The following MATN2 variants were observed in gnomAD, a reference collection of about 807,000 sequenced individuals.
MATN2 encodes the protein matrilin 2.
In MATN2, 69 loss-of-function variants were observed where a neutral mutation model predicts 103.2. The ratio of observed to expected loss-of-function variants is 0.67; its 90% CI spans 0.55 to 0.82. MATN2 has a LOEUF of 0.82. Among genes scored for constraint, MATN2 ranks in the 40% least tolerant of loss-of-function variants. The pLI is 0.00. For synonymous variants in MATN2, 429 were observed against 450.2 expected, an observed-to-expected ratio of 0.95 and a Z score of 0.60; for missense variants, 1,023 against 1,211.5, an observed-to-expected ratio of 0.84 and a Z score of 2.31.
intron 8 of MATN2, among the ~76,000 whole-genome samples, chr8:98,006,216 T>G (rs950704961): frequency 2.6e-5 from 4 of 152,236 alleles, no homozygotes; most frequent in Non-Finnish European, 5.9e-5. Flanking sequence ...GGTTTGTTTT[T>G]TAATCTGGAT....
At chr8:98,004,129 A>C (rs1479882311) in intron 8 of MATN2, 1 of 240,324 alleles carries the variant, frequency 4.2e-6, no homozygotes, top group Non-Finnish European at 8.6e-6. Flanking sequence ...TCTACTAAAA[A>C]TACAAAAAAT....
chr8:97,945,717 A>AAAAAAATATAT (rs59472539), intron 4 of MATN2, among the ~76,000 whole-genome samples: 236 of 121,790 alleles, frequency 1.9e-3, no homozygotes, highest in East Asian at 7.0e-3. Flanking sequence ...AAAAAAAAAA[A>AAAAAAATATAT]ATATATATAT....
At chr8:97,999,657 A>G (rs1259459228) in intron 7 of MATN2, among the ~76,000 whole-genome samples, 1 of 152,196 alleles carries the variant, frequency 6.6e-6, no homozygotes, top group African/African-American at 2.4e-5. Flanking sequence ...ACAGCTAACA[A>G]TATCCTGCCT....
Position 97,894,906 on chromosome 8 carries a change from T to C in MATN2, c.142+6664T>C, listed in dbSNP as rs185654207. 2.3e-3 allele frequency among the ~76,000 whole-genome samples: 348 copies of C among 151,804 alleles called. 2 individuals carry two copies. Among genetic ancestry groups the C allele is most frequent in the Non-Finnish European group, 2.3e-3 (155 of 67,926 alleles). Reference sequence around the variant, plus strand: ...TTTTTTTTTTGAGACAGAGTCTTGCTCTGTCACCCAGGCTGGAGTGCAGTG... The same window carrying C: ...TTTTTTTTTTGAGACAGAGTCTTGCCCTGTCACCCAGGCTGGAGTGCAGTG... On this transcript the variant is annotated intron_variant, in intron 2 of 18. Transcript: ENST00000254898.
At chr8:97,970,927 G>A (rs1262212208) in intron 5 of MATN2, among the ~76,000 whole-genome samples, 1 of 152,112 alleles carries the variant, frequency 6.6e-6, no homozygotes, top group Non-Finnish European at 1.5e-5. Context: ...GGGTGACAGA[G>A]TGAGACCCTG....
intron 1 of MATN2, among the ~76,000 whole-genome samples, chr8:97,884,506 C>T (rs1362104826): frequency 1.3e-5 from 2 of 151,980 alleles, no homozygotes; most frequent in East Asian, 1.9e-4. Flanking sequence ...AACAACAGGC[C>T]GAGTGTGGTG....
rs78244327 is a variant in MATN2 at position 97,887,215 on chromosome 8, T to A, written c.-26-860T>A. ...ACTTTTTTAACTTTTTAAATAAATT[T>A]AAATTTTTTTTTTGTAGAAACGAGG... On this transcript the variant is annotated intron_variant, in intron 1 of 18. Coordinates refer to ENST00000254898, the MANE Select transcript of MATN2 (RefSeq NM_002380.5). Among the ~76,000 whole-genome samples the A allele has an allele frequency of 8.6e-3, 1,309 of 152,230 alleles. 9 individuals carry two copies. The highest frequency in any genetic ancestry group is 0.042 in the East Asian group (220 of 5,184).
intron 14 of MATN2, 144 bp downstream of exon 14, chr8:98,027,973 CCCTGCCA>C (rs1263399267): frequency 8.2e-5 from 63 of 772,128 alleles, no homozygotes; most frequent in Non-Finnish European, 1.1e-4. Context: ...ATCTTTACTA[CCCTGCCA>C]CCTAGAAGCC....
At chr8:97,904,713 C>T (rs541705591) in intron 2 of MATN2, among the ~76,000 whole-genome samples, 1 of 152,222 alleles carries the variant, frequency 6.6e-6, no homozygotes, top group South Asian at 2.1e-4. Context: ...GCCAATCAGA[C>T]ATACCAGTTT....
At chr8:97,977,514 C>T (rs1811879632) in intron 5 of MATN2, among the ~76,000 whole-genome samples, 2 of 152,100 alleles carry the variant, frequency 1.3e-5, no homozygotes, top group Admixed American at 6.5e-5. Flanking sequence ...ACTTCCAGAA[C>T]ACCACTCCCC....
intron 6 of MATN2, among the ~76,000 whole-genome samples, chr8:97,994,012 T>TATA (rs975948677): frequency 6.9e-5 from 10 of 144,382 alleles, no homozygotes; most frequent in East Asian, 2.0e-4. Context: ...AGAGTCCAGG[T>TATA]ATAATAATAA....
At chr8:97,911,376 A>C (rs1223839851) in intron 2 of MATN2, among the ~76,000 whole-genome samples, 1 of 152,190 alleles carries the variant, frequency 6.6e-6, no homozygotes, top group Non-Finnish European at 1.5e-5. Flanking sequence ...GGGAGAATAA[A>C]AACTAGAGAT....
intron 3 of MATN2, among the ~76,000 whole-genome samples, chr8:97,938,350 T>C (rs1810448379): frequency 1.3e-5 from 2 of 152,200 alleles, no homozygotes; most frequent in South Asian, 2.1e-4. Flanking sequence ...AAACTTGAAG[T>C]TTGATAACAC....
intron 12 of MATN2, 125 bp from the exon 13 acceptor site, chr8:98,021,080 G>A (rs921182363): frequency 4.7e-6 from 4 of 858,476 alleles, no homozygotes; most frequent in East Asian, 5.8e-5. Flanking sequence ...ACATTATGAA[G>A]GAGGTTTGAA....
chr8:97,960,449 C>T (rs1291844125), intron 4 of MATN2, among the ~76,000 whole-genome samples: 1 of 152,194 alleles, frequency 6.6e-6, no homozygotes, highest in Non-Finnish European at 1.5e-5. Flanking sequence ...TTAATCTTTT[C>T]ATCCACCAAC....
chr8:98,007,014 G>C lies in MATN2; in HGVS notation c.1328-91G>C. On this transcript the variant is annotated intron_variant, in intron 8 of 18. Coordinates refer to ENST00000254898, the MANE Select transcript of MATN2 (RefSeq NM_002380.5). This position sits in a 1 kb window ranked among gnomAD's most constrained non-coding sequence, Gnocchi z 4.2. ...TAGAATGACACCTTCCCTGTGGCTTGTTATGCCTCCGGTTTTGTTTTTGAA... is the reference window on the plus strand; with the variant it reads ...TAGAATGACACCTTCCCTGTGGCTTCTTATGCCTCCGGTTTTGTTTTTGAA... 2 of 1,405,504 alleles carry C rather than the reference G, an allele frequency of 1.4e-6. No homozygotes were observed. Among genetic ancestry groups the C allele is most frequent in the Non-Finnish European group, 2.0e-6 (2 of 1,023,784 alleles). 87.1% of individuals were successfully genotyped at this position (1,405,504 alleles called of 1,614,324 possible).
intron 7 of MATN2, among the ~76,000 whole-genome samples, chr8:97,999,201 T>A (rs1812702491): frequency 6.6e-6 from 1 of 152,218 alleles, no homozygotes; most frequent in Non-Finnish European, 1.5e-5. Context: ...TGAATAATAT[T>A]CCATTGTATC....
At chr8:97,942,406 G>A (rs995919307) in intron 4 of MATN2, among the ~76,000 whole-genome samples, 1 of 152,182 alleles carries the variant, frequency 6.6e-6, no homozygotes, top group Non-Finnish European at 1.5e-5. Context: ...TTTTAAAAAG[G>A]GGGTAAACAG....
chr8:97,934,883 A>G (rs1249600183), intron 3 of MATN2, among the ~76,000 whole-genome samples: 2 of 152,206 alleles, frequency 1.3e-5, no homozygotes, highest in East Asian at 1.9e-4. Flanking sequence ...CTGCTTAGGA[A>G]CAAAAGCAAA....
Sources: gnomAD v4.1 joint callset for allele counts (sites outside exome capture counted in the v4.1 genomes callset) on GRCh38, gnomAD v4.1.1 for gene constraint, Gnocchi (gnomAD v3.1) non-coding constraint, MANE v1.5 for transcripts, NCBI Gene and HGNC (gene_info 2026-07-23, HGNC 2026-07-21) for gene names.